The following PCAT7 variants were observed in gnomAD, a reference collection of about 807,000 sequenced individuals.
PCAT7 encodes the protein prostate cancer associated transcript 7, also known as prostate cancer associated transcript 7 (non-protein coding).
chr9:94,555,250 T>TGGCGC (rs1826990715), exon 1 of PCAT7: 1 of 151,940 alleles, frequency 6.6e-6, no homozygotes, highest in Admixed American at 6.6e-5. Flanking sequence ...CGCGGCACCG[T>TGGCGC]GGCGCGGCTC....
intron 1 of PCAT7, among the ~76,000 whole-genome samples, chr9:94,558,017 T>G (rs1827034329): frequency 6.6e-6 from 1 of 152,182 alleles, no homozygotes; most frequent in African/African-American, 2.4e-5. Context: ...TTTAGAAAAG[T>G]AGTTAATTTC....
At chr9:94,563,279 G>A (rs1239515035) in intron 2 of PCAT7, 2 of 1,575,572 alleles carry the variant, frequency 1.3e-6, no homozygotes, top group Non-Finnish European at 8.6e-7. Context: ...CAGCAGGTGT[G>A]ACGGGAGGGA....
At chr9:94,564,022 AC>A (rs761519858) in intron 2 of PCAT7, among the ~76,000 whole-genome samples, 2 of 151,950 alleles carry the variant, frequency 1.3e-5, no homozygotes, top group Non-Finnish European at 2.9e-5. Flanking sequence ...AGACTTAGAC[AC>A]CCCCCCACAA....
At chr9:94,557,503 A>C (rs1212103974) in intron 1 of PCAT7, among the ~76,000 whole-genome samples, 1 of 152,210 alleles carries the variant, frequency 6.6e-6, no homozygotes, top group Non-Finnish European at 1.5e-5. Flanking sequence ...GTGTCTGCTA[A>C]AGTTGCCAAG....
intron 2 of PCAT7, among the ~76,000 whole-genome samples, chr9:94,565,385 A>AAAAAAAAAAAAAAG (rs773350863): frequency 7.4e-6 from 1 of 134,916 alleles, no homozygotes; most frequent in Non-Finnish European, 1.6e-5. Context: ...AAAAAAAAAA[A>AAAAAAAAAAAAAAG]AGATGTTCCC....
At chr9:94,562,781 T>G (rs562571002) in intron 2 of PCAT7, among the ~76,000 whole-genome samples, 1 of 152,296 alleles carries the variant, frequency 6.6e-6, no homozygotes, top group African/African-American at 2.4e-5. Context: ...TTTGCATCAT[T>G]AAGTTGCAAT....
intron 2 of PCAT7, chr9:94,567,239 G>C (rs372051710): frequency 1.3e-5 from 21 of 1,612,864 alleles, no homozygotes; most frequent in Non-Finnish European, 1.4e-5. Flanking sequence ...ACAGCATTCT[G>C]TCTGCCACCC....
intron 2 of PCAT7, among the ~76,000 whole-genome samples, chr9:94,562,359 T>C (rs1445146744): frequency 3.3e-5 from 5 of 151,718 alleles, no homozygotes; most frequent in Non-Finnish European, 4.4e-5. Flanking sequence ...TGTCTTCTAC[T>C]TGCCTCACTT....
chr9:94,564,916 CA>C (rs1827163458), intron 2 of PCAT7, among the ~76,000 whole-genome samples: 1 of 151,984 alleles, frequency 6.6e-6, no homozygotes, highest in Non-Finnish European at 1.5e-5. Context: ...GACATATTTT[CA>C]AAAAGCTAGA....
intron 2 of PCAT7, chr9:94,570,442 T>C (rs1827255830): frequency 2.0e-5 from 3 of 152,204 alleles, no homozygotes; most frequent in South Asian, 2.1e-4. Context: ...ACATATCTCA[T>C]AGGGCCACTG....
intron 1 of PCAT7, among the ~76,000 whole-genome samples, chr9:94,557,591 C>T (rs916049645): frequency 6.6e-6 from 1 of 152,176 alleles, no homozygotes; most frequent in Admixed American, 6.5e-5. Flanking sequence ...TATGCCCCAC[C>T]CTGCCCAAGC....
At chr9:94,557,319 T>C (rs953144321) in intron 1 of PCAT7, among the ~76,000 whole-genome samples, 5 of 152,240 alleles carry the variant, frequency 3.3e-5, no homozygotes, top group Non-Finnish European at 7.3e-5. Context: ...TTGGGTGATA[T>C]AGATATTTTA....
At chr9:94,567,720 A>T (rs1172825647) in intron 2 of PCAT7, 2 of 292,256 alleles carry the variant, frequency 6.8e-6, no homozygotes, top group African/African-American at 4.2e-5. Flanking sequence ...TGGTGAACCC[A>T]ACTGTGTGTA....
chr9:94,566,316 G>A (rs569407629), intron 2 of PCAT7, among the ~76,000 whole-genome samples: 3 of 152,210 alleles, frequency 2.0e-5, no homozygotes, highest in African/African-American at 4.8e-5. Flanking sequence ...TGGGTTTACC[G>A]GAATGAGGGC....
At position 94,565,941 on chromosome 9, in the gene PCAT7, G is replaced by A. The variant is rs137900014; in HGVS notation, n.441+6789G>A. ...ACACCCATTCATTTTTACAACATTG[G>A]GGAGAAACATCCTTGGCCCACATCT... On this transcript the variant is annotated intron_variant and non_coding_transcript_variant, in intron 2 of 8. Transcript: ENST00000647389. Among the ~76,000 whole-genome samples the A allele has an allele frequency of 4.5e-3, 679 of 152,160 alleles. 4 individuals carry two copies. Among genetic ancestry groups the A allele is most frequent in the Non-Finnish European group, 7.2e-3 (487 of 68,016 alleles).
intron 3 of PCAT7, among the ~76,000 whole-genome samples, chr9:94,574,644 A>G (rs1827299408): frequency 6.6e-6 from 1 of 152,112 alleles, no homozygotes; most frequent in South Asian, 2.1e-4. Context: ...AAAATTATTC[A>G]TGACATTCCA....
At chr9:94,564,647 C>T (rs1014135489) in intron 2 of PCAT7, among the ~76,000 whole-genome samples, 44 of 152,128 alleles carry the variant, frequency 2.9e-4, no homozygotes, top group African/African-American at 1.1e-3. Context: ...ACAACAGACA[C>T]TGGGGCCTAC....
chr9:94,568,559 C>G (rs969492640), intron 2 of PCAT7: 1 of 152,178 alleles, frequency 6.6e-6, no homozygotes, highest in African/African-American at 2.4e-5. Flanking sequence ...TCCAAAATGA[C>G]AGCTCACAGT....
At chr9:94,564,341 T>A (rs981736206) in intron 2 of PCAT7, among the ~76,000 whole-genome samples, 1 of 152,190 alleles carries the variant, frequency 6.6e-6, no homozygotes, top group South Asian at 2.1e-4. Flanking sequence ...AATCATTCTA[T>A]TGTAAAGACA....
Sources: gnomAD v4.1 joint callset for allele counts (sites outside exome capture counted in the v4.1 genomes callset) on GRCh38, gnomAD v4.1.1 for gene constraint, MANE v1.5 for transcripts, NCBI Gene and HGNC (gene_info 2026-07-23, HGNC 2026-07-21) for gene names.